Variants in FAM98B observed in about 807,000 individuals in gnomAD.
The protein encoded by FAM98B is tRNA splicing ligase complex subunit 3B.
FAM98B carries 32 observed loss-of-function variants against 43.9 expected under a neutral mutation model. The ratio of observed to expected loss-of-function variants is 0.73; its 90% confidence interval spans 0.55 to 0.98. FAM98B has a LOEUF of 0.98. FAM98B is among the 50% of genes least tolerant of loss of function. The probability of loss-of-function intolerance (pLI) is 0.00; values close to 1 mark genes in which losing one functional copy is unlikely to be tolerated. For missense variants in FAM98B, 514 were observed against 522.9 expected, an observed-to-expected ratio of 0.98 and a Z score of 0.17; for synonymous variants, 190 against 174.0, an observed-to-expected ratio of 1.09 and a Z score of -0.72.
In FAM98B at chr15:38,485,774, TAAATAC is replaced by T. The variant is rs1890360004; in HGVS notation, c.*1124_*1129del. On this transcript the variant is annotated 3_prime_UTR_variant, in exon 8 of 8. Transcript: ENST00000397609. ...CATCTCAGGTTGTTTCTTAAAGACC[TAAATAC>T]AAATACAATTTGTTAAAAACTTACA... 1.3e-5 allele frequency: 2 copies of T among 152,274 alleles called. No individual in the cohort carries two copies. Among genetic ancestry groups the T allele is most frequent in the African/African-American group, 4.8e-5 (2 of 41,562 alleles). 9.4% of individuals were successfully genotyped at this position (152,274 alleles called of 1,614,324 possible).
At chr15:38,462,771 C>T (rs1889969514) in intron 1 of FAM98B, among the ~76,000 whole-genome samples, 1 of 152,128 alleles carries the variant, frequency 6.6e-6, no homozygotes, top group Non-Finnish European at 1.5e-5. Context: ...TATAGTTTCT[C>T]TGAAAAAGGC....
intron 6 of FAM98B, among the ~76,000 whole-genome samples, chr15:38,475,379 T>C (rs1890181517): frequency 1.3e-5 from 2 of 152,206 alleles, no homozygotes; most frequent in South Asian, 4.1e-4. Flanking sequence ...TTTAGTAGCT[T>C]AAGTAATACA....
intron 6 of FAM98B, among the ~76,000 whole-genome samples, chr15:38,478,045 G>T (rs899649259): frequency 3.9e-5 from 6 of 152,222 alleles, no homozygotes; most frequent in African/African-American, 1.4e-4. Context: ...TAGGCAAATT[G>T]TGAAGGGTAT....
chr15:38,484,256 T>A lies in FAM98B; in HGVS notation c.899T>A (p.Val300Glu). ...REKTACAINK[V>E]LMGRVPDRGG... ...AAAAGAAAATGTTTCTTCACACAGG[T>A]GCTGATGGGAAGGGTGCCTGACAGG... Residue 300 changes from valine (V) to glutamate (E), a missense_variant and splice_region_variant, in exon 8 of 8, where the codon GTG becomes GAG. Val to Glu is a moderately radical substitution (Grantham distance 121, BLOSUM62 -2). Coordinates refer to ENST00000397609, the MANE Select transcript of FAM98B (RefSeq NM_173611.4). 6.5e-7 allele frequency: 1 copy of A among 1,548,196 alleles called. No individual in the cohort carries two copies. The highest frequency in any genetic ancestry group is 8.7e-7 in the Non-Finnish European group (1 of 1,146,192).
At chr15:38,466,079 A>G (rs761652864) in intron 3 of FAM98B, among the ~76,000 whole-genome samples, 4 of 152,112 alleles carry the variant, frequency 2.6e-5, no homozygotes, top group Non-Finnish European at 5.9e-5. Flanking sequence ...TCTATTATTG[A>G]AGATTTCTAT....
At chr15:38,461,332 C>G (rs1889943052) in intron 1 of FAM98B, among the ~76,000 whole-genome samples, 1 of 152,098 alleles carries the variant, frequency 6.6e-6, no homozygotes, top group African/African-American at 2.4e-5. Context: ...AAATAATATT[C>G]TAGTCTCAGC....
chr15:38,465,554 A>G (rs1214762655), intron 3 of FAM98B, 151 bp downstream of exon 3: 2 of 699,906 alleles, frequency 2.9e-6, no homozygotes, highest in African/African-American at 1.8e-5. Flanking sequence ...AAATGTTTAT[A>G]TAATATAGTA....
intron 6 of FAM98B, 50 bp from the exon 7 acceptor site, chr15:38,481,242 T>C (rs1197031549): frequency 6.8e-7 from 1 of 1,480,850 alleles, no homozygotes; most frequent in Non-Finnish European, 9.4e-7. Flanking sequence ...TTTTTGCTCT[T>C]TCATTAAAAT....
chr15:38,484,465 G>A lies in FAM98B; in HGVS notation c.1108G>A (p.Gly370Arg), dbSNP rs1482177027. 1.7e-5 allele frequency: 15 copies of A among 883,728 alleles called. No individual in the cohort carries two copies. Among genetic ancestry groups the A allele is most frequent in the Non-Finnish European group, 5.6e-6 (4 of 712,260 alleles). 54.7% of individuals were successfully genotyped at this position (883,728 alleles called of 1,614,324 possible). The change falls in exon 8 of 8, where the codon GGG becomes AGG. Residue 370 changes from glycine to arginine, a missense_variant. Gly to Arg is a moderately radical substitution (Grantham distance 125). Coordinates refer to ENST00000397609, the MANE Select transcript of FAM98B (RefSeq NM_173611.4). ...TGGAGGAGGAGGTTGGGGAGGTGGT[G>A]GGGGAGGGGGAGGAGGGTGGGGGGG... is the stretch of plus-strand genomic sequence containing the variant. ...GGGGGGWGGGGGGGGGWGGGG... is the reference protein window; with the variant it reads ...GGGGGGWGGGRGGGGGWGGGG...
At chr15:38,481,255 A>G (rs1566901425) in intron 6 of FAM98B, 37 bp from the exon 7 acceptor site, 1 of 1,532,700 alleles carries the variant, frequency 6.5e-7, no homozygotes, top group East Asian at 2.3e-5. Context: ...ATTAAAATGT[A>G]CTTTTGTTCC....
At position 38,464,175 on chromosome 15, in the gene FAM98B, C is replaced by T. The variant is rs546531577; in HGVS notation, c.215C>T (p.Ala72Val). ...LCNLEESITS[A>V]GRDDLESFQL... Reference sequence around the variant, plus strand: ...AACTTGGAAGAAAGTATCACGTCTGCTGGTATTGCCATTATGTTGTATTTA... The same window carrying T: ...AACTTGGAAGAAAGTATCACGTCTGTTGGTATTGCCATTATGTTGTATTTA... Residue 72 changes from alanine to valine, a missense_variant and splice_region_variant, in exon 2 of 8, where the codon GCT (alanine) becomes GTT (valine). By Grantham distance (64) the Ala-to-Val change is moderately conservative (BLOSUM62 0). Coordinates refer to ENST00000397609, the MANE Select transcript of FAM98B (RefSeq NM_173611.4). 3.7e-6 allele frequency: 6 copies of T among 1,610,634 alleles called. No homozygotes were observed. The highest frequency in any genetic ancestry group is 2.7e-5 in the African/African-American group (2 of 74,914).
At chr15:38,463,960 G>C in intron 1 of FAM98B, 72 bp from the exon 2 acceptor site, 1 of 1,402,930 alleles carries the variant, frequency 7.1e-7, no homozygotes, top group South Asian at 1.5e-5. Context: ...AGCAGACCTT[G>C]ACACAGAGTG....
At position 38,487,170 on chromosome 15, in the gene FAM98B, C is replaced by G. The variant is rs1890390480; in HGVS notation, c.*2511C>G. 1 of 152,126 alleles carries G rather than the reference C, an allele frequency of 6.6e-6. No homozygotes were observed. Among genetic ancestry groups the G allele is most frequent in the African/African-American group, 2.4e-5 (1 of 41,460 alleles). 9.4% of individuals were successfully genotyped at this position (152,126 alleles called of 1,614,324 possible). On this transcript the variant is annotated 3_prime_UTR_variant, in exon 8 of 8. Transcript: ENST00000397609. ...ATAACATAATCACCACACTATTACT[C>G]ATAAGCACACATCAAAAGGGAAACA...
chr15:38,467,595 A>G (rs567917545), intron 3 of FAM98B, among the ~76,000 whole-genome samples: 38 of 152,298 alleles, frequency 2.5e-4, no homozygotes, highest in Non-Finnish European at 4.6e-4. Flanking sequence ...CACATTTTCA[A>G]TGTCACATTA....
intron 4 of FAM98B, among the ~76,000 whole-genome samples, chr15:38,472,243 G>A (rs1054978561): frequency 6.6e-6 from 1 of 152,118 alleles, no homozygotes; most frequent in African/African-American, 2.4e-5. Context: ...TTCCTCTGGA[G>A]TGAGGAGTTA....
intron 4 of FAM98B, among the ~76,000 whole-genome samples, chr15:38,471,071 A>T (rs958116740): frequency 6.6e-6 from 1 of 151,982 alleles, no homozygotes; most frequent in African/African-American, 2.4e-5. Context: ...TTAAATATGC[A>T]GTCCTCTAGG....
intron 1 of FAM98B, among the ~76,000 whole-genome samples, chr15:38,460,442 T>C (rs1889929600): frequency 6.6e-6 from 1 of 151,974 alleles, no homozygotes; most frequent in South Asian, 2.1e-4. Flanking sequence ...AAAAAATAAG[T>C]ACTATGCTGC....
In FAM98B at chr15:38,484,276, G is replaced by A. The variant is rs774500874; in HGVS notation, c.919G>A (p.Asp307Asn). 1 of 1,550,364 alleles carries A rather than the reference G, an allele frequency of 6.5e-7. No individual in the cohort carries two copies. The highest frequency in any genetic ancestry group is 2.4e-5 in the East Asian group (1 of 40,942). The change falls in exon 8 of 8, where the codon GAC (aspartate) becomes AAC (asparagine). Residue 307 changes from aspartate to asparagine, a missense_variant. Physicochemically the swap from Asp to Asn is conservative, Grantham distance 23 (BLOSUM62 1). Transcript: ENST00000397609. ...ACAGGTGCTGATGGGAAGGGTGCCT[G>A]ACAGGGGAGGCCGGCCGAATGAAAT... ...INKVLMGRVP[D>N]RGGRPNEIEP...
chr15:38,484,678 A>G lies in FAM98B; in HGVS notation c.*19A>G. On this transcript the variant is annotated 3_prime_UTR_variant, in exon 8 of 8. Transcript: ENST00000397609. ...ATACTAAAAACTATAAAAATTAGAT[A>G]GCAGTGCTTGCTTCTTTATAGATAC... is the stretch of plus-strand genomic sequence containing the variant. The G allele has an allele frequency of 2.0e-6, 3 of 1,508,258 alleles. No individual in the cohort carries two copies. In the South Asian group the frequency reaches 3.9e-5, roughly 20 times the overall value. The allele number at this position is 1,508,258 out of a possible 1,614,324, so 93.4% of individuals were successfully genotyped here. A position where few individuals can be genotyped will look rare whatever the true frequency, so the allele number is the denominator to read the frequency against.
Sources: allele counts gnomAD v4.1 joint callset (sites outside exome capture counted in the v4.1 genomes callset), GRCh38; gene constraint gnomAD v4.1.1; transcripts MANE v1.5; gene names NCBI Gene and HGNC (gene_info 2026-07-23, HGNC 2026-07-21).